Variants in ERBB4 observed in about 807,000 individuals in gnomAD.
The protein encoded by ERBB4 is erb-b2 receptor tyrosine kinase 4.
In ERBB4, 42 loss-of-function variants were observed where a neutral mutation model predicts 158.0. The observed-to-expected ratio is 0.27, with a 90% confidence interval of 0.21 to 0.34. The LOEUF (loss-of-function observed/expected upper bound fraction) is 0.34. Among genes scored for constraint, ERBB4 ranks in the 10% least tolerant of loss-of-function variants. The probability of loss-of-function intolerance (pLI) is 1.00; values close to 1 mark genes in which losing one functional copy is unlikely to be tolerated. For missense variants in ERBB4, 1,333 were observed against 1,624.1 expected, an observed-to-expected ratio of 0.82 and a Z score of 3.08; for synonymous variants, 583 against 558.7, an observed-to-expected ratio of 1.04 and a Z score of -0.61.
At chr2:212,045,514 T>C (rs549789309) in intron 2 of ERBB4, among the ~76,000 whole-genome samples, 33 of 152,096 alleles carry the variant, frequency 2.2e-4, no homozygotes, top group Non-Finnish European at 4.1e-4. Context: ...TTTGGTAATA[T>C]ATAGTAGTAT....
At chr2:212,374,870 G>A (rs978382494) in intron 1 of ERBB4, among the ~76,000 whole-genome samples, 4 of 151,682 alleles carry the variant, frequency 2.6e-5, no homozygotes, top group East Asian at 1.9e-4. Context: ...GAAAGTAAGA[G>A]GTCTGTTAAT....
In ERBB4 at chr2:211,837,509, G is replaced by A. The variant is rs557685646; in HGVS notation, c.422-49350C>T. Among the ~76,000 whole-genome samples the A allele has an allele frequency of 3.3e-5, 5 of 152,128 alleles. No individual in the cohort carries two copies. In the South Asian group the frequency reaches 1.0e-3, roughly 32 times the overall value. ...GAGTTGTTTAACACAGACATGTATCGTAGATTCTCCTCGGGAAATATTAAG... is the reference window on the plus strand; with the variant it reads ...GAGTTGTTTAACACAGACATGTATCATAGATTCTCCTCGGGAAATATTAAG... On this transcript the variant is annotated intron_variant, in intron 3 of 27. Transcript: ENST00000342788.
At chr2:212,247,377 T>C (rs897198112) in intron 1 of ERBB4, among the ~76,000 whole-genome samples, 4 of 152,230 alleles carry the variant, frequency 2.6e-5, no homozygotes, top group Non-Finnish European at 5.9e-5. Context: ...TACTGCTTTA[T>C]GAGTAAACTA....
chr2:211,923,750 T>A (rs1303291317), intron 3 of ERBB4, among the ~76,000 whole-genome samples: 3 of 151,458 alleles, frequency 2.0e-5, no homozygotes, highest in Non-Finnish European at 4.4e-5. Context: ...GAGATGGAAT[T>A]TTGCTCTTGT....
At chr2:211,720,538 G>C (rs1029594779) in intron 7 of ERBB4, among the ~76,000 whole-genome samples, 7 of 152,140 alleles carry the variant, frequency 4.6e-5, no homozygotes, top group African/African-American at 1.7e-4. Context: ...CCAGCCTGTT[G>C]AATATTTACA....
chr2:212,507,657 T>C (rs546246172), intron 1 of ERBB4, among the ~76,000 whole-genome samples: 1 of 152,280 alleles, frequency 6.6e-6, no homozygotes, highest in African/African-American at 2.4e-5. Flanking sequence ...GAACTAGATA[T>C]AGAGCCTAAA....
intron 2 of ERBB4, among the ~76,000 whole-genome samples, chr2:212,066,414 C>T (rs1313983862): frequency 1.3e-5 from 2 of 151,690 alleles, no homozygotes; most frequent in African/African-American, 2.4e-5. Context: ...GTAAGGACCC[C>T]GGGAAGTACA....
At chr2:212,128,064 C>CT (rs2079997491) in intron 1 of ERBB4, among the ~76,000 whole-genome samples, 1 of 152,190 alleles carries the variant, frequency 6.6e-6, no homozygotes, top group Non-Finnish European at 1.5e-5. Flanking sequence ...CTCCAGGGTC[C>CT]TATCAGCTTA....
intron 1 of ERBB4, among the ~76,000 whole-genome samples, chr2:212,376,627 TTC>T (rs776193034): frequency 4.3e-4 from 66 of 152,170 alleles, no homozygotes; most frequent in Non-Finnish European, 9.0e-4. Flanking sequence ...TCCTTTGGAC[TTC>T]TTTTTGTTTA....
At chr2:212,257,314 GATA>G (rs1336143692) in intron 1 of ERBB4, among the ~76,000 whole-genome samples, 2 of 152,046 alleles carry the variant, frequency 1.3e-5, no homozygotes. Flanking sequence ...TGAACTTCAT[GATA>G]ATGTTTTCTA....
At chr2:212,281,434 T>C (rs1029574328) in intron 1 of ERBB4, among the ~76,000 whole-genome samples, 1 of 151,796 alleles carries the variant, frequency 6.6e-6, no homozygotes, top group African/African-American at 2.4e-5. Context: ...CATATGGATA[T>C]TTGGGAAACA....
chr2:211,641,870 C>A (rs1162422391), intron 16 of ERBB4, among the ~76,000 whole-genome samples: 1 of 151,794 alleles, frequency 6.6e-6, no homozygotes, highest in Admixed American at 6.6e-5. Flanking sequence ...ATTATGCTTT[C>A]TTGGATTCTT....
intron 1 of ERBB4, among the ~76,000 whole-genome samples, chr2:212,467,881 G>T (rs925091155): frequency 6.6e-6 from 1 of 152,326 alleles, no homozygotes; most frequent in Admixed American, 6.5e-5. Context: ...GCTGTATCCT[G>T]CAAAGCCATA....
chr2:211,382,464 T>A lies in ERBB4; in HGVS notation c.*1151A>T. ...TAAATTAGTTAATTTGCTGGTTGCT[T>A]CCATATTGCTTGATTCAAAATCCAA... On this transcript the variant is annotated 3_prime_UTR_variant, in exon 28 of 28. Coordinates refer to ENST00000342788, the MANE Select transcript of ERBB4 (RefSeq NM_005235.3). The A allele has an allele frequency of 4.3e-6, 1 of 232,486 alleles. No homozygotes were observed. The highest frequency in any genetic ancestry group is 6.1e-5 in the East Asian group (1 of 16,402). 14.4% of individuals were successfully genotyped at this position (232,486 alleles called of 1,614,324 possible). A position where few individuals can be genotyped will look rare whatever the true frequency, so the allele number is the denominator to read the frequency against.
chr2:212,397,358 A>G (rs1345228926), intron 1 of ERBB4, among the ~76,000 whole-genome samples: 1 of 152,064 alleles, frequency 6.6e-6, no homozygotes, highest in African/African-American at 2.4e-5. Context: ...CTGCAGTCCC[A>G]GCTACTCAAG....
chr2:212,457,447 C>CA (rs1688352814), intron 1 of ERBB4, among the ~76,000 whole-genome samples: 1 of 152,012 alleles, frequency 6.6e-6, no homozygotes, highest in Non-Finnish European at 1.5e-5. Context: ...TGTTATCACA[C>CA]AGAGTATCCT....
intron 2 of ERBB4, among the ~76,000 whole-genome samples, chr2:211,980,661 C>A (rs549247451): frequency 1.3e-5 from 2 of 152,200 alleles, no homozygotes; most frequent in Admixed American, 6.5e-5. Context: ...TAGCAAGACA[C>A]CTCCTTAGAT....
At chr2:211,860,725 AATACTT>A (rs1171368598) in intron 3 of ERBB4, among the ~76,000 whole-genome samples, 1 of 151,436 alleles carries the variant, frequency 6.6e-6, no homozygotes, top group Non-Finnish European at 1.5e-5. Flanking sequence ...AACCTTAGGA[AATACTT>A]ATGCAATGTT....
intron 20 of ERBB4, among the ~76,000 whole-genome samples, chr2:211,463,227 A>AAT (rs2064582741): frequency 6.6e-6 from 1 of 152,186 alleles, no homozygotes. Context: ...TCCTTCAATT[A>AAT]CAAAAAGCGG....
Sources: allele counts gnomAD v4.1 joint callset (sites outside exome capture counted in the v4.1 genomes callset), GRCh38; gene constraint gnomAD v4.1.1; transcripts MANE v1.5; gene names NCBI Gene and HGNC (gene_info 2026-07-23, HGNC 2026-07-21).